DNAH8: variants seen among roughly 807,000 people sequenced by gnomAD.
DNAH8 encodes the protein axonemal beta dynein heavy chain 8.
In DNAH8, 382 loss-of-function variants were observed where a neutral mutation model predicts 562.1. The observed-to-expected ratio is 0.68, with a 90% CI of 0.63 to 0.74. The LOEUF is 0.74. Ranked by LOEUF, DNAH8 falls within the 30% of genes least tolerant of loss-of-function variation. DNAH8 has a pLI of 0.00. For synonymous variants in DNAH8, 1,881 were observed against 1,919.4 expected, an observed-to-expected ratio of 0.98 and a Z score of 0.52; for missense variants, 5,203 against 5,620.4, an observed-to-expected ratio of 0.93 and a Z score of 2.37.
At chr6:38,805,846 A>C (rs1041614006) in intron 23 of DNAH8, among the ~76,000 whole-genome samples, 2 of 152,204 alleles carry the variant, frequency 1.3e-5, no homozygotes, top group African/African-American at 4.8e-5. Flanking sequence ...GTGATTGACC[A>C]TGTTTTCTCA....
chr6:38,991,715 G>A (rs1764801757), intron 88 of DNAH8, among the ~76,000 whole-genome samples: 1 of 152,122 alleles, frequency 6.6e-6, no homozygotes, highest in Non-Finnish European at 1.5e-5. Context: ...AGGCCAGACA[G>A]CTTCCTGTTA....
In DNAH8 at chr6:38,894,826, C is replaced by T; in HGVS notation, c.8709C>T (p.Ser2903=). ...GCGCTTCAATCCCTACTCTCCTGTCCCTTTTCAAACACGAGTGCAGCAGAG... is the reference window on the plus strand; with the variant it reads ...GCGCTTCAATCCCTACTCTCCTGTCTCTTTTCAAACACGAGTGCAGCAGAG... ...EECASIPTLL[S]LFKHECSRVI... Residue 2903 remains serine, a synonymous_variant, in exon 59 of 93, where the codon TCC becomes TCT. Coordinates refer to ENST00000327475, the MANE Select transcript of DNAH8 (RefSeq NM_001206927.2). 6.2e-7 allele frequency: 1 copy of T among 1,614,006 alleles called. No individual in the cohort carries two copies. Among genetic ancestry groups the T allele is most frequent in the Non-Finnish European group, 8.5e-7 (1 of 1,179,984 alleles).
At chr6:38,834,300 A>G (rs965423197) in intron 31 of DNAH8, among the ~76,000 whole-genome samples, 13 of 152,226 alleles carry the variant, frequency 8.5e-5, no homozygotes, top group Non-Finnish European at 1.5e-4. Context: ...AGATAGAGTG[A>G]TGAAAATGTT....
chr6:39,000,538 C>T (rs11756452), intron 88 of DNAH8, among the ~76,000 whole-genome samples: 122,653 of 152,028 alleles, frequency 0.81, 50,161 homozygotes, highest in Middle Eastern at 0.88. Flanking sequence ...AGAACCCTAC[C>T]GTGAACTGCG....
At position 38,853,364 on chromosome 6, in the gene DNAH8, C is replaced by G; in HGVS notation, c.5733+17C>G. Reference sequence around the variant, plus strand: ...CCAGCACAGGTGAGAATACACAATGCTTAAGTAATGGTGAAAAGAAATGGA... The same window carrying G: ...CCAGCACAGGTGAGAATACACAATGGTTAAGTAATGGTGAAAAGAAATGGA... On this transcript the variant is annotated intron_variant, in intron 41 of 92. Coordinates refer to ENST00000327475, the MANE Select transcript of DNAH8 (RefSeq NM_001206927.2). 1 of 1,604,802 alleles carries G rather than the reference C, an allele frequency of 6.2e-7. No homozygotes were observed. Among genetic ancestry groups the G allele is most frequent in the Non-Finnish European group, 8.5e-7 (1 of 1,176,638 alleles).
intron 26 of DNAH8, among the ~76,000 whole-genome samples, chr6:38,819,346 G>A (rs2150329197): frequency 6.6e-6 from 1 of 152,248 alleles, no homozygotes; most frequent in Non-Finnish European, 1.5e-5. Context: ...TACCTAGAGA[G>A]GACTAATCTA....
chr6:38,866,057 C>T (rs1377758956), intron 45 of DNAH8, among the ~76,000 whole-genome samples: 1 of 152,180 alleles, frequency 6.6e-6, no homozygotes, highest in African/African-American at 2.4e-5. Flanking sequence ...TTTTTCCCAT[C>T]ATTCCCTTCT....
rs774924483 is a variant in DNAH8 at position 38,722,815 on chromosome 6, G to C, written c.6G>C (p.Glu2Asp). 4 of 1,584,448 alleles carry C rather than the reference G, an allele frequency of 2.5e-6. No individual in the cohort carries two copies. Among genetic ancestry groups the C allele is most frequent in the Non-Finnish European group, 3.4e-6 (4 of 1,167,028 alleles). Residue 2 changes from glutamate (E) to aspartate (D), a missense_variant, in exon 2 of 93, where the codon GAG (glutamate) becomes GAC (aspartate). Coordinates refer to ENST00000327475, the MANE Select transcript of DNAH8 (RefSeq NM_001206927.2). M[E>D]KDAEDGAPSE... ...AGCATTCCGCACGACGGGGGATGGA[G>C]AAGGATGCTGAAGATGGCGCCCCTT...
At chr6:39,011,393 C>A (rs570931672) in intron 89 of DNAH8, among the ~76,000 whole-genome samples, 1 of 152,306 alleles carries the variant, frequency 6.6e-6, no homozygotes, top group Admixed American at 6.5e-5. Context: ...TCTCCCACTC[C>A]ATGTGTCCCT....
chr6:38,939,041 G>A, intron 79 of DNAH8, 53 bp downstream of exon 79: 1 of 1,441,672 alleles, frequency 6.9e-7, no homozygotes, highest in South Asian at 1.3e-5. Flanking sequence ...CTTTTGATAT[G>A]CTCTTTGATA....
chr6:38,858,333 T>A (rs974364405), intron 42 of DNAH8, among the ~76,000 whole-genome samples: 8 of 152,224 alleles, frequency 5.3e-5, no homozygotes, highest in African/African-American at 1.2e-4. Flanking sequence ...ATTTGATACA[T>A]TTTAAAGGTA....
chr6:38,949,512 A>T lies in DNAH8; in HGVS notation c.12190A>T (p.Ile4064Phe), dbSNP rs1583435965. The T allele has an allele frequency of 1.2e-6, 2 of 1,613,532 alleles. No individual in the cohort carries two copies. Reference protein sequence around the residue: ...WFDKDAPEEEIIPDGYNDSLD... With the variant: ...WFDKDAPEEEFIPDGYNDSLD... ...TGATAAAGATGCTCCAGAGGAGGAA[A>T]TTATCCCTGATGGATATAATGATTC... The change falls in exon 81 of 93, where the codon ATT becomes TTT. Residue 4064 changes from isoleucine (I) to phenylalanine (F), a missense_variant. Ile to Phe is a conservative substitution (Grantham distance 21, BLOSUM62 0). This residue lies in a region of DNAH8 where 1,399 missense variants were observed against 1,518.4 expected (regional missense o/e 0.92). Coordinates refer to ENST00000327475, the MANE Select transcript of DNAH8 (RefSeq NM_001206927.2).
chr6:39,029,698 G>A (rs1271483373), intron 92 of DNAH8, among the ~76,000 whole-genome samples: 1 of 152,146 alleles, frequency 6.6e-6, no homozygotes, highest in East Asian at 1.9e-4. Flanking sequence ...TGAGACACAG[G>A]TTGGTTGGCC....
Position 38,848,776 on chromosome 6 carries a change from G to T in DNAH8, c.5174G>T (p.Gly1725Val). Residue 1725 changes from glycine to valine, a missense_variant, in exon 37 of 93, where the codon GGA becomes GTA. By Grantham distance (109) the Gly-to-Val change is moderately radical. Coordinates refer to ENST00000327475, the MANE Select transcript of DNAH8 (RefSeq NM_001206927.2). Reference sequence around the variant, plus strand: ...TATCTTGAAGCCGTCTTTGTAGGTGGAGATATTGCCAAACAGCTGCCTCAG... The same window carrying T: ...TATCTTGAAGCCGTCTTTGTAGGTGTAGATATTGCCAAACAGCTGCCTCAG... ...WVYLEAVFVG[G>V]DIAKQLPQEA... 1 of 1,613,464 alleles carries T rather than the reference G, an allele frequency of 6.2e-7. No homozygotes were observed. Among genetic ancestry groups the T allele is most frequent in the Non-Finnish European group, 8.5e-7 (1 of 1,179,560 alleles).
At position 38,723,196 on chromosome 6, in the gene DNAH8, A is replaced by G. The variant is rs1282693223; in HGVS notation, c.387A>G (p.Arg129=). The change falls in exon 2 of 93, where the codon AGA becomes AGG. Residue 129 remains arginine (R), a synonymous_variant. Coordinates refer to ENST00000327475, the MANE Select transcript of DNAH8 (RefSeq NM_001206927.2). The part of the protein sequence containing the change: ...LPNLQETLKE[R]QARFREARES... ...ATCTACAGGAAACATTAAAAGAGAG[A>G]CAGGTTTGCTTCTAATACGATTTTT... 6.2e-7 allele frequency: 1 copy of G among 1,605,606 alleles called. No homozygotes were observed. The highest frequency in any genetic ancestry group is 8.5e-7 in the Non-Finnish European group (1 of 1,176,884).
rs917801262 is a variant in DNAH8 at position 39,030,721 on chromosome 6, A to G, written c.*329A>G. On this transcript the variant is annotated 3_prime_UTR_variant, in exon 93 of 93. Transcript: ENST00000327475. ...AGTGTTGATATGTGACATCCTAAAA[A>G]GAGCCTAGTAGTTGTAAACTTTTCC... 2.0e-5 allele frequency among the ~76,000 whole-genome samples: 3 copies of G among 152,230 alleles called. No homozygotes were observed.
intron 43 of DNAH8, among the ~76,000 whole-genome samples, chr6:38,861,417 G>A (rs530308272): frequency 2.6e-5 from 4 of 152,326 alleles, no homozygotes; most frequent in African/African-American, 9.6e-5. Context: ...AAATACAACA[G>A]AAGCTGGATC....
Position 38,832,347 on chromosome 6 carries a change from A to C in DNAH8, c.4214A>C (p.Gln1405Pro). Residue 1405 changes from glutamine to proline, a missense_variant, in exon 31 of 93, where the codon CAA becomes CCA. Gln to Pro is a moderately conservative substitution (Grantham distance 76). Around this residue, in one of 6 missense-constraint regions of DNAH8, gnomAD observed 2,176 missense variants for 2,365.1 expected, o/e 0.92. Coordinates refer to ENST00000327475, the MANE Select transcript of DNAH8 (RefSeq NM_001206927.2). ...GTTTCAGTACAAGAGGACCTAGTTC[A>C]AGTGCAGCCAAAGTTTAAAAGCAAT... is the stretch of plus-strand genomic sequence containing the variant. ...KAVSVQEDLV[Q>P]VQPKFKSNLL... 1 of 1,613,422 alleles carries C rather than the reference A, an allele frequency of 6.2e-7. No homozygotes were observed. Among genetic ancestry groups the C allele is most frequent in the Non-Finnish European group, 8.5e-7 (1 of 1,179,416 alleles).
At chr6:38,895,330 C>T (rs1196503994) in intron 59 of DNAH8, among the ~76,000 whole-genome samples, 1 of 152,126 alleles carries the variant, frequency 6.6e-6, no homozygotes, top group African/African-American at 2.4e-5. Context: ...TGGCATCTCT[C>T]ACCTGCCCAC....
Sources: allele counts gnomAD v4.1 joint callset (sites outside exome capture counted in the v4.1 genomes callset), GRCh38; gene constraint gnomAD v4.1.1; regional missense constraint gnomAD v4.1.1; transcripts MANE v1.5; gene names NCBI Gene and HGNC (gene_info 2026-07-23, HGNC 2026-07-21).